The following SEC24B variants were observed in gnomAD, a reference collection of about 807,000 sequenced individuals.
SEC24B encodes SEC24 homolog B, COPII component, also known as protein transport protein Sec24B.
SEC24B carries 45 observed loss-of-function variants against 142.8 expected under a neutral mutation model. The ratio of observed to expected loss-of-function variants is 0.32; its 90% CI spans 0.25 to 0.40. SEC24B has a LOEUF of 0.40. Ranked by LOEUF, SEC24B falls within the 10% of genes least tolerant of loss-of-function variation. The probability of loss-of-function intolerance (pLI) is 1.00; values close to 1 mark genes in which losing one functional copy is unlikely to be tolerated. For missense variants in SEC24B, 1,409 were observed against 1,526.8 expected (o/e 0.92, Z 1.29); for synonymous variants, 574 against 568.2 (o/e 1.01, Z -0.15).
At chr4:109,534,518 C>T (rs1448540006) in intron 22 of SEC24B, among the ~76,000 whole-genome samples, 4 of 151,558 alleles carry the variant, frequency 2.6e-5, no homozygotes, top group African/African-American at 9.7e-5. Context: ...ACTCGGGAGG[C>T]GGAGCTTGCA....
intron 6 of SEC24B, among the ~76,000 whole-genome samples, chr4:109,504,757 C>T (rs1449437882): frequency 6.6e-6 from 1 of 152,126 alleles, no homozygotes; most frequent in African/African-American, 2.4e-5. Flanking sequence ...GTGGCTTTAT[C>T]ATCTGTTGAT....
At chr4:109,528,725 A>G (rs543013446) in intron 18 of SEC24B, among the ~76,000 whole-genome samples, 3 of 151,422 alleles carry the variant, frequency 2.0e-5, no homozygotes, top group African/African-American at 7.3e-5. Context: ...AATGTTTTCA[A>G]TGAATTTGCC....
intron 1 of SEC24B, among the ~76,000 whole-genome samples, chr4:109,435,577 T>G (rs1239314058): frequency 6.6e-6 from 1 of 152,226 alleles, no homozygotes; most frequent in Non-Finnish European, 1.5e-5. Context: ...TACAGCCTTA[T>G]AAATTTTGTG....
At chr4:109,456,684 G>A (rs984408605) in intron 1 of SEC24B, among the ~76,000 whole-genome samples, 1 of 152,068 alleles carries the variant, frequency 6.6e-6, no homozygotes, top group Non-Finnish European at 1.5e-5. Context: ...CTGTTAATAT[G>A]TTGAATCACA....
intron 2 of SEC24B, among the ~76,000 whole-genome samples, chr4:109,471,924 A>C (rs188009183): frequency 4.5e-4 from 69 of 152,340 alleles, no homozygotes; most frequent in African/African-American, 1.6e-3. Flanking sequence ...GGGTGGTAAA[A>C]TAGACTCCAT....
chr4:109,491,422 G>A lies in SEC24B; in HGVS notation c.1246+15G>A. ...CAGTTACCCAGGTAATTTGTTTTGT[G>A]CTTGCTTGATCTTCATTTTGAAAGT... On this transcript the variant is annotated intron_variant, in intron 5 of 23. Transcript: ENST00000265175. 6.3e-7 allele frequency: 1 copy of A among 1,595,218 alleles called. No homozygotes were observed.
intron 3 of SEC24B, among the ~76,000 whole-genome samples, chr4:109,475,510 G>A (rs551648906): frequency 6.6e-6 from 1 of 151,994 alleles, no homozygotes; most frequent in Non-Finnish European, 1.5e-5. Flanking sequence ...TTTTAGGGGA[G>A]ACATCAAATT....
At chr4:109,473,553 C>G (rs568769146) in intron 3 of SEC24B, among the ~76,000 whole-genome samples, 1 of 152,196 alleles carries the variant, frequency 6.6e-6, no homozygotes, top group South Asian at 2.1e-4. Flanking sequence ...TCTCCATATC[C>G]TATTTGATTA....
intron 4 of SEC24B, among the ~76,000 whole-genome samples, chr4:109,483,008 T>TCACACACAC (rs1561117198): frequency 4.8e-5 from 4 of 82,868 alleles, no homozygotes; most frequent in African/African-American, 2.5e-4. Context: ...ACACACATAT[T>TCACACACAC]ATACATATGT....
chr4:109,527,188 C>T (rs556409907), intron 17 of SEC24B, 134 bp from the exon 18 acceptor site: 5 of 600,956 alleles, frequency 8.3e-6, no homozygotes, highest in African/African-American at 7.8e-5. Flanking sequence ...CATTGCACTC[C>T]AGCCTAAGAG....
chr4:109,454,741 G>A (rs1232330374), intron 1 of SEC24B, among the ~76,000 whole-genome samples: 1 of 152,062 alleles, frequency 6.6e-6, no homozygotes, highest in Admixed American at 6.5e-5. Context: ...CCCAAAGCAA[G>A]CCACAAAACC....
intron 18 of SEC24B, among the ~76,000 whole-genome samples, chr4:109,528,636 C>T (rs1724535134): frequency 6.6e-6 from 1 of 152,078 alleles, no homozygotes; most frequent in South Asian, 2.1e-4. Context: ...GCATTTGACA[C>T]ATAACCACTA....
intron 5 of SEC24B, among the ~76,000 whole-genome samples, chr4:109,493,489 A>AT (rs946965460): frequency 6.6e-6 from 1 of 152,152 alleles, no homozygotes; most frequent in Non-Finnish European, 1.5e-5. Context: ...TGTATATGAT[A>AT]TTTAAGTTTT....
intron 3 of SEC24B, among the ~76,000 whole-genome samples, chr4:109,481,319 A>G (rs915653825): frequency 6.6e-6 from 1 of 152,326 alleles, no homozygotes; most frequent in African/African-American, 2.4e-5. Context: ...AAAATGCACA[A>G]TCCCAAAGGA....
At chr4:109,493,225 A>T (rs1735198936) in intron 5 of SEC24B, among the ~76,000 whole-genome samples, 1 of 152,116 alleles carries the variant, frequency 6.6e-6, no homozygotes, top group South Asian at 2.1e-4. Flanking sequence ...ATGATAGCAG[A>T]ATGTCTAGGA....
intron 2 of SEC24B, among the ~76,000 whole-genome samples, chr4:109,466,059 AAAG>A (rs1731820186): frequency 6.6e-6 from 1 of 152,232 alleles, no homozygotes; most frequent in African/African-American, 2.4e-5. Flanking sequence ...TTTCAAAAAA[AAAG>A]AGGTTATTTT....
Position 109,445,987 on chromosome 4 carries a change from A to AT in SEC24B, c.133+11991dup, listed in dbSNP as rs1729424640. 1.2e-4 allele frequency among the ~76,000 whole-genome samples: 16 copies of AT among 129,790 alleles called. No homozygotes were observed. The East Asian group carries it at 3.5e-3, about 29-fold the overall frequency. The allele number at this position is 129,790 out of a possible 152,430, so 85.1% of individuals were successfully genotyped here. Reference sequence around the variant, plus strand: ...AGATGCTTTTTTTTTTTTTTTTTACATTTTTTACCTCTGAAATTGGGGTGC... The same window carrying AT: ...AGATGCTTTTTTTTTTTTTTTTTACATTTTTTTACCTCTGAAATTGGGGTGC... On this transcript the variant is annotated intron_variant, in intron 1 of 23. Transcript: ENST00000265175.
chr4:109,466,893 T>A (rs1194707629), intron 2 of SEC24B, among the ~76,000 whole-genome samples: 1 of 152,238 alleles, frequency 6.6e-6, no homozygotes, highest in Non-Finnish European at 1.5e-5. Flanking sequence ...GGATACATAC[T>A]GTTATTTTTA....
chr4:109,516,436 ATATAT>A (rs1722920546), intron 10 of SEC24B, 87 bp from the exon 11 acceptor site: 6 of 684,610 alleles, frequency 8.8e-6, no homozygotes, highest in East Asian at 5.6e-5. Context: ...TTTTGTGTTA[ATATAT>A]TCAGTAAATA....
Sources: allele counts gnomAD v4.1 joint callset (sites outside exome capture counted in the v4.1 genomes callset), GRCh38; gene constraint gnomAD v4.1.1; transcripts MANE v1.5; gene names NCBI Gene and HGNC (gene_info 2026-07-23, HGNC 2026-07-21).